Variants in DNAH8 observed in about 807,000 individuals in gnomAD.
DNAH8 encodes the protein dynein axonemal heavy chain 8.
A neutral mutation model predicts 562.1 loss-of-function variants in DNAH8; 382 were observed. That is an observed-to-expected ratio of 0.68 (90% CI 0.63 to 0.74). The LOEUF (loss-of-function observed/expected upper bound fraction) is 0.74. DNAH8 is among the 30% of genes least tolerant of loss of function. The probability of loss-of-function intolerance (pLI) is 0.00; values close to 1 mark genes in which losing one functional copy is unlikely to be tolerated. For missense variants in DNAH8, 5,203 were observed against 5,620.4 expected (o/e 0.93, Z 2.37); for synonymous variants, 1,881 against 1,919.4 (o/e 0.98, Z 0.52).
chr6:38,852,754 G>C lies in DNAH8; in HGVS notation c.5527G>C (p.Asp1843His), dbSNP rs61758415. ...GGTGACATTTCATGCAAAAGACTAT[G>C]ATCGCATCATGGCCGTCATATCAAG... ...NEVTFHAKDYDRIMAVISREG... is the reference protein window; with the variant it reads ...NEVTFHAKDYHRIMAVISREG... The change falls in exon 40 of 93, where the codon GAT becomes CAT. Residue 1843 changes from aspartate to histidine, a missense_variant. By Grantham distance (81) the Asp-to-His change is moderately conservative. Around this residue, in one of 6 missense-constraint regions of DNAH8, gnomAD observed 2,176 missense variants for 2,365.1 expected, o/e 0.92. Coordinates refer to ENST00000327475, the MANE Select transcript of DNAH8 (RefSeq NM_001206927.2). 3.3e-4 allele frequency: 526 copies of C among 1,613,796 alleles called. No individual in the cohort carries two copies. The African/African-American group carries it at 6.3e-3, about 19-fold the overall frequency.
intron 3 of DNAH8, among the ~76,000 whole-genome samples, chr6:38,726,112 G>A (rs753342134): frequency 1.3e-5 from 2 of 152,184 alleles, no homozygotes; most frequent in South Asian, 2.1e-4. Flanking sequence ...CTGTCCCGAG[G>A]ATCAGTCCTG....
At chr6:38,763,343 C>T in intron 11 of DNAH8, 1 of 226,606 alleles carries the variant, frequency 4.4e-6, no homozygotes, top group South Asian at 6.7e-5. Context: ...AGTTTTTATG[C>T]TTGGACAGAG....
chr6:38,906,546 A>G, intron 63 of DNAH8, 139 bp downstream of exon 63: 1 of 659,692 alleles, frequency 1.5e-6, no homozygotes, highest in Admixed American at 3.7e-5. Context: ...GAGATTTAGC[A>G]GATTTTCTGA....
In DNAH8 at chr6:38,768,763, T is replaced by G. The variant is rs116355363; in HGVS notation, c.1618-1650T>G. ...TATTTACTAATATTATTTATCTTCT[T>G]TCTGTTTTCCTAATCATTCTTGCTC... On this transcript the variant is annotated intron_variant, in intron 11 of 92. Transcript: ENST00000327475. 7.9e-3 allele frequency among the ~76,000 whole-genome samples: 1,198 copies of G among 152,294 alleles called. 5 individuals are homozygous for G. The highest frequency in any genetic ancestry group is 0.012 in the Non-Finnish European group (835 of 68,036).
At chr6:38,951,192 T>C in intron 81 of DNAH8, 126 bp from the exon 82 acceptor site, 1 of 791,814 alleles carries the variant, frequency 1.3e-6, no homozygotes, top group Admixed American at 2.4e-5. Flanking sequence ...TCCTCTTACT[T>C]AGATGTGGAA....
chr6:38,985,130 T>C (rs1018501263), intron 87 of DNAH8, among the ~76,000 whole-genome samples: 3 of 152,242 alleles, frequency 2.0e-5, no homozygotes, highest in Non-Finnish European at 4.4e-5. Flanking sequence ...GTTCACTTTT[T>C]CTCTGTGCCA....
chr6:39,005,116 A>C (rs1173308037), intron 88 of DNAH8, among the ~76,000 whole-genome samples: 2 of 152,222 alleles, frequency 1.3e-5, no homozygotes, highest in African/African-American at 4.8e-5. Context: ...CTGCTTTCCA[A>C]AGTGACTGCA....
In DNAH8 at chr6:38,956,210, G is replaced by T. The variant is rs536790876; in HGVS notation, c.12451+4690G>T. Reference sequence around the variant, plus strand: ...CTGGGAGTCTGAGCCTCCATGAAGGGCTCATCAACCTCTGTACCCCAGCAG... The same window carrying T: ...CTGGGAGTCTGAGCCTCCATGAAGGTCTCATCAACCTCTGTACCCCAGCAG... On this transcript the variant is annotated intron_variant, in intron 82 of 92. Coordinates refer to ENST00000327475, the MANE Select transcript of DNAH8 (RefSeq NM_001206927.2). Among the ~76,000 whole-genome samples the T allele has an allele frequency of 7.9e-5, 12 of 152,282 alleles. No homozygotes were observed. The South Asian group carries it at 2.1e-3, about 26-fold the overall frequency.
chr6:39,025,922 G>A (rs1223608352), intron 91 of DNAH8, among the ~76,000 whole-genome samples: 1 of 152,152 alleles, frequency 6.6e-6, no homozygotes, highest in Non-Finnish European at 1.5e-5. Context: ...TGAATGCATG[G>A]TTTGCAAATA....
intron 33 of DNAH8, among the ~76,000 whole-genome samples, 164 bp from the exon 34 acceptor site, chr6:38,842,204 G>T (rs1003834110): frequency 6.6e-6 from 1 of 152,140 alleles, no homozygotes; most frequent in African/African-American, 2.4e-5. Context: ...GATCTTTAAC[G>T]AAGTCTTTGT....
chr6:38,897,185 T>C (rs764965368), intron 60 of DNAH8, among the ~76,000 whole-genome samples: 12 of 152,174 alleles, frequency 7.9e-5, no homozygotes, highest in Non-Finnish European at 1.8e-4. Flanking sequence ...TTTTAAATAG[T>C]TACCAAAAAA....
intron 35 of DNAH8, among the ~76,000 whole-genome samples, chr6:38,844,136 C>T (rs1775078579): frequency 6.6e-6 from 1 of 151,956 alleles, no homozygotes; most frequent in South Asian, 2.1e-4. Context: ...GGCTTTAGAC[C>T]CCAGCCCAGG....
chr6:38,751,618 T>C (rs925606585), intron 9 of DNAH8, among the ~76,000 whole-genome samples: 16 of 152,260 alleles, frequency 1.1e-4, no homozygotes, highest in African/African-American at 3.4e-4. Flanking sequence ...ACTCTTCTCA[T>C]AATATTTCCA....
At chr6:38,744,587 G>T (rs577882625) in intron 8 of DNAH8, among the ~76,000 whole-genome samples, 39 of 147,834 alleles carry the variant, frequency 2.6e-4, no homozygotes, top group African/African-American at 9.4e-4. Flanking sequence ...TGATTTATAG[G>T]AGTTCTTTAT....
intron 18 of DNAH8, among the ~76,000 whole-genome samples, chr6:38,788,683 C>T (rs1362039337): frequency 6.6e-6 from 1 of 152,082 alleles, no homozygotes; most frequent in Non-Finnish European, 1.5e-5. Flanking sequence ...AATACTATCC[C>T]TTATCAGATA....
rs1263940528 is a variant in DNAH8, at chr6:38,874,125, CTCTT to C, written c.7620+761_7620+764del. Among the ~76,000 whole-genome samples, 44 of 49,454 alleles carry C rather than the reference CTCTT, an allele frequency of 8.9e-4. 12 individuals carry two copies. The Middle Eastern group carries it at 0.029, about 33-fold the overall frequency. The allele number at this position is 49,454 out of a possible 152,430, so 32.4% of individuals were successfully genotyped here. The stretch of plus-strand genomic sequence containing the variant: ...TTCTCCTTCCTTCCTTCCTCCTTCT[CTCTT>C]TCTTTCTTTCTCTTTCTCCTTCCTT... On this transcript the variant is annotated intron_variant, in intron 52 of 92. Coordinates refer to ENST00000327475, the MANE Select transcript of DNAH8 (RefSeq NM_001206927.2).
chr6:38,890,525 G>A, intron 57 of DNAH8, 127 bp from the exon 58 acceptor site: 1 of 691,182 alleles, frequency 1.4e-6, no homozygotes, highest in Non-Finnish European at 2.6e-6. Flanking sequence ...AGTCTTAGCT[G>A]ATCCCTTGAG....
Position 38,873,239 on chromosome 6 carries a change from T to C in DNAH8, c.7483T>C (p.Trp2495Arg). The C allele has an allele frequency of 6.2e-7, 1 of 1,612,902 alleles. No homozygotes were observed. The highest frequency in any genetic ancestry group is 8.5e-7 in the Non-Finnish European group (1 of 1,179,726). Residue 2495 changes from tryptophan to arginine, a missense_variant, in exon 52 of 93, where the codon TGG (tryptophan) becomes CGG (arginine). Transcript: ENST00000327475. ...ALSWRPILQA[W>R]LKKRTAQEAA... ...AGATTCTGTTTCTTTGTTGCAGGCA[T>C]GGTTGAAGAAACGCACTGCACAGGA...
chr6:38,874,802 T>G (rs1033081880), intron 52 of DNAH8, among the ~76,000 whole-genome samples: 1 of 152,240 alleles, frequency 6.6e-6, no homozygotes, highest in African/African-American at 2.4e-5. Context: ...GCTTCAATTC[T>G]CAGTTAAGAG....
Sources: allele counts gnomAD v4.1 joint callset (sites outside exome capture counted in the v4.1 genomes callset), GRCh38; gene constraint gnomAD v4.1.1; regional missense constraint gnomAD v4.1.1; transcripts MANE v1.5; gene names NCBI Gene and HGNC (gene_info 2026-07-23, HGNC 2026-07-21).